The following BCKDHB variants were observed in gnomAD, a reference collection of about 807,000 sequenced individuals.
BCKDHB encodes branched chain keto acid dehydrogenase E1 subunit beta.
In BCKDHB, 41 loss-of-function variants were observed where a neutral mutation model predicts 48.5. The observed-to-expected ratio is 0.85, with a 90% CI of 0.66 to 1.10. The LOEUF (loss-of-function observed/expected upper bound fraction) is 1.10, where lower values mean the gene tolerates loss of function less well. Ranked by LOEUF, BCKDHB falls within the 50% of genes least tolerant of loss-of-function variation. BCKDHB has a pLI of 0.00. For synonymous variants in BCKDHB, 201 were observed against 174.8 expected (o/e 1.15, Z -1.18); for missense variants, 496 against 494.2 (o/e 1.00, Z -0.03).
the BCKDHB span, among the ~76,000 whole-genome samples, chr6:80,430,947 G>T: frequency 1.3e-5 from 2 of 151,858 alleles, no homozygotes; most frequent in African/African-American, 2.4e-5. Flanking sequence ...GTCTTCTCTT[G>T]TGGGTTTCTA....
chr6:80,113,978 G>A (rs1769551185), intron 1 of BCKDHB, among the ~76,000 whole-genome samples: 1 of 152,196 alleles, frequency 6.6e-6, no homozygotes, highest in Admixed American at 6.5e-5. Flanking sequence ...CTTGGCCCAT[G>A]ACTAGCCTGA....
intron 6 of BCKDHB, among the ~76,000 whole-genome samples, chr6:80,180,969 A>T (rs1420960641): frequency 6.6e-6 from 1 of 152,190 alleles, no homozygotes; most frequent in East Asian, 1.9e-4. Flanking sequence ...TAAAAAGTCA[A>T]ATGATAGCTT....
At chr6:80,149,919 A>G (rs982441039) in intron 3 of BCKDHB, among the ~76,000 whole-genome samples, 2 of 151,872 alleles carry the variant, frequency 1.3e-5, no homozygotes, top group South Asian at 2.1e-4. Context: ...CATGGCACAT[A>G]TATACATATG....
chr6:80,444,935 C>T, the BCKDHB span, among the ~76,000 whole-genome samples: 9 of 152,218 alleles, frequency 5.9e-5, no homozygotes, highest in Non-Finnish European at 1.0e-4. Flanking sequence ...ATTTTTCTTT[C>T]CTTCCTGATA....
At chr6:80,412,724 C>G in the BCKDHB span, among the ~76,000 whole-genome samples, 1 of 152,118 alleles carries the variant, frequency 6.6e-6, no homozygotes. Context: ...GTGACCAACT[C>G]CTTCAGCTTT....
chr6:80,121,125 T>C (rs1397243954), intron 1 of BCKDHB, among the ~76,000 whole-genome samples: 1 of 152,232 alleles, frequency 6.6e-6, no homozygotes, highest in African/African-American at 2.4e-5. Flanking sequence ...AGGGAATCCT[T>C]TCCCCATTTC....
intron 8 of BCKDHB, among the ~76,000 whole-genome samples, chr6:80,258,118 G>T (rs1252950630): frequency 6.6e-6 from 1 of 151,944 alleles, no homozygotes; most frequent in Non-Finnish European, 1.5e-5. Context: ...TAATGTTCTG[G>T]TTCTGTATTA....
chr6:80,178,073 G>A (rs1308630303), intron 6 of BCKDHB, among the ~76,000 whole-genome samples: 1 of 152,158 alleles, frequency 6.6e-6, no homozygotes, highest in Non-Finnish European at 1.5e-5. Context: ...ATGTGGTTCT[G>A]AAGGGGCTGA....
the BCKDHB span, among the ~76,000 whole-genome samples, chr6:80,425,906 C>T: frequency 6.6e-6 from 1 of 151,994 alleles, no homozygotes; most frequent in Admixed American, 6.6e-5. Flanking sequence ...TTTTTTTCAA[C>T]TTTGTGTCTA....
intron 6 of BCKDHB, among the ~76,000 whole-genome samples, chr6:80,177,834 G>A (rs543954238): frequency 1.3e-5 from 2 of 152,312 alleles, no homozygotes; most frequent in East Asian, 3.9e-4. Context: ...AAGTTAACTT[G>A]TCAACTTTAA....
rs142613053 is a variant in BCKDHB at position 80,130,906 on chromosome 6, A to G, written c.343+1677A>G. 1.7e-3 allele frequency among the ~76,000 whole-genome samples: 264 copies of G among 152,286 alleles called. 1 individual carries two copies. The highest frequency in any genetic ancestry group is 6.0e-3 in the African/African-American group (250 of 41,574). Reference sequence around the variant, plus strand: ...CTGTGGAGCAGTGTCTAGACCTCACAATTCCATCTTGCCTGACTCAGTGTA... The same window carrying G: ...CTGTGGAGCAGTGTCTAGACCTCACGATTCCATCTTGCCTGACTCAGTGTA... On this transcript the variant is annotated intron_variant, in intron 3 of 9. Coordinates refer to ENST00000320393, the MANE Select transcript of BCKDHB (RefSeq NM_183050.4).
the BCKDHB span, among the ~76,000 whole-genome samples, chr6:80,375,917 G>T: frequency 1.3e-5 from 2 of 152,150 alleles, no homozygotes; most frequent in Non-Finnish European, 2.9e-5. Flanking sequence ...TTTATTACGT[G>T]TGTTGGTTTT....
the BCKDHB span, among the ~76,000 whole-genome samples, chr6:80,384,390 G>T: frequency 2.7e-5 from 4 of 148,970 alleles, no homozygotes; most frequent in East Asian, 5.9e-4. Context: ...ATGGAGTCTC[G>T]CTCTGTCACC....
chr6:80,153,055 G>A (rs1351915849), intron 3 of BCKDHB, among the ~76,000 whole-genome samples: 2 of 152,114 alleles, frequency 1.3e-5, no homozygotes, highest in East Asian at 3.9e-4. Context: ...AGTTGCTGTA[G>A]ATACACAGCT....
At chr6:80,406,807 G>C in the BCKDHB span, among the ~76,000 whole-genome samples, 5 of 152,146 alleles carry the variant, frequency 3.3e-5, no homozygotes, top group Admixed American at 2.6e-4. Context: ...TCTGTAGGTT[G>C]CCTGTTCACT....
chr6:80,219,802 CA>C (rs1254630148), intron 8 of BCKDHB, among the ~76,000 whole-genome samples: 2 of 152,196 alleles, frequency 1.3e-5, no homozygotes, highest in Admixed American at 1.3e-4. Context: ...ATTCTAGGTT[CA>C]CAGTAACTTT....
chr6:80,167,941 T>A (rs1011884367), intron 4 of BCKDHB, 130 bp downstream of exon 4: 13 of 1,029,654 alleles, frequency 1.3e-5, no homozygotes, highest in Non-Finnish European at 1.9e-5. Context: ...ACAATTATAA[T>A]TTTGTTATGA....
At chr6:80,454,489 G>T in the BCKDHB span, among the ~76,000 whole-genome samples, 1 of 150,094 alleles carries the variant, frequency 6.7e-6, no homozygotes, top group Non-Finnish European at 1.5e-5. Flanking sequence ...CACTCTTGAG[G>T]ATCTACACTT....
intron 6 of BCKDHB, 24 bp downstream of exon 6, chr6:80,171,414 T>G (rs1424232757): frequency 7.2e-7 from 1 of 1,389,808 alleles, no homozygotes; most frequent in East Asian, 2.3e-5. Flanking sequence ...TTATTTTATA[T>G]TTGTGAATAT....
Sources: gnomAD v4.1 joint callset for allele counts (sites outside exome capture counted in the v4.1 genomes callset) on GRCh38, gnomAD v4.1.1 for gene constraint, MANE v1.5 for transcripts, NCBI Gene and HGNC (gene_info 2026-07-23, HGNC 2026-07-21) for gene names.